Variants in ESR2 observed in about 807,000 individuals in gnomAD.
ESR2 encodes estrogen receptor 2, also known as estrogen receptor beta.
ESR2 carries 36 observed loss-of-function variants against 49.6 expected under a neutral mutation model. The ratio of observed to expected loss-of-function variants is 0.73; its 90% confidence interval spans 0.56 to 0.96. The LOEUF (loss-of-function observed/expected upper bound fraction) is 0.96. ESR2 is among the 40% of genes least tolerant of loss of function. The probability of loss-of-function intolerance (pLI) is 0.00; values close to 1 mark genes in which losing one functional copy is unlikely to be tolerated. For synonymous variants in ESR2, 320 were observed against 266.1 expected (o/e 1.20, Z -1.97); for missense variants, 714 against 693.0 (o/e 1.03, Z -0.34).
At position 64,231,048 on chromosome 14, in the gene ESR2, G is replaced by A. The variant is rs1309812500; in HGVS notation, c.*2089C>T. 2 of 151,610 alleles carry A rather than the reference G, an allele frequency of 1.3e-5. No homozygotes were observed. The highest frequency in any genetic ancestry group is 4.8e-5 in the African/African-American group (2 of 41,278). The allele number at this position is 151,610 out of a possible 1,614,324, so 9.4% of individuals were successfully genotyped here. On this transcript the variant is annotated 3_prime_UTR_variant, in exon 9 of 9. Transcript: ENST00000341099. ...ACTACAGGCCTGCACCACCACGCCT[G>A]GCTAATTTTTGTATCTTTTGTAGGA...
chr14:64,260,686 G>GACT lies in ESR2; in HGVS notation c.714_715insAGT (p.Gln238_Leu239insSer). 1 of 1,554,622 alleles carries GACT rather than the reference G, an allele frequency of 6.4e-7. No homozygotes were observed. Among genetic ancestry groups the GACT allele is most frequent in the Admixed American group, 1.9e-5 (1 of 52,446 alleles). On this transcript the variant is annotated inframe_insertion, in exon 5 of 9. Coordinates refer to ENST00000341099, the MANE Select transcript of ESR2 (RefSeq NM_001437.3). ...CTCTTGGCCTTGCCGGCACAGTGCA[G>GACT]CTGCTCGTCGGCACTTCTCTGTCTC...
At position 64,234,973 on chromosome 14, in the gene ESR2, G is replaced by A. The variant is rs764031807; in HGVS notation, c.1403C>T (p.Ala468Val). ...AGCAGCTCCTTAGGGCGCGTACCTCGCATGCCTGACGTGGGACAGGAGCAT... is the reference window on the plus strand; with the variant it reads ...AGCAGCTCCTTAGGGCGCGTACCTCACATGCCTGACGTGGGACAGGAGCAT... Reference protein sequence around the residue: ...LLMLLSHVRHASNKGMEHLLN... With the variant: ...LLMLLSHVRHVSNKGMEHLLN... The change falls in exon 8 of 9, where the codon GCG (alanine) becomes GTG (valine). Residue 468 changes from alanine to valine, a missense_variant. Coordinates refer to ENST00000341099, the MANE Select transcript of ESR2 (RefSeq NM_001437.3). 72 of 1,613,978 alleles carry A rather than the reference G, an allele frequency of 4.5e-5. 1 individual carries two copies. The South Asian group carries it at 5.1e-4, about 11-fold the overall frequency.
intron 3 of ESR2, among the ~76,000 whole-genome samples, chr14:64,278,411 T>C (rs1012435326): frequency 6.6e-6 from 1 of 152,168 alleles, no homozygotes; most frequent in African/African-American, 2.4e-5. Context: ...CCTCACCATA[T>C]CCTGGATTCT....
At position 64,230,724 on chromosome 14, in the gene ESR2, G is replaced by C. The variant is rs997435916; in HGVS notation, c.*2413C>G. Among the ~76,000 whole-genome samples, 1 of 151,788 alleles carries C rather than the reference G, an allele frequency of 6.6e-6. No homozygotes were observed. The highest frequency in any genetic ancestry group is 1.9e-4 in the East Asian group (1 of 5,190). ...TGCTGTGAGAACAGAGCGAGATTCG[G>C]TGAGAATAGCTCAGCTGGAAACTCA... is the stretch of plus-strand genomic sequence containing the variant. On this transcript the variant is annotated 3_prime_UTR_variant, in exon 9 of 9. Coordinates refer to ENST00000341099, the MANE Select transcript of ESR2 (RefSeq NM_001437.3).
At chr14:64,319,786 G>A (rs745583511) in intron 1 of ESR2, among the ~76,000 whole-genome samples, 6 of 152,202 alleles carry the variant, frequency 3.9e-5, no homozygotes, top group Non-Finnish European at 7.3e-5. Context: ...CCAAATGCTG[G>A]TGAGGATGTG....
At chr14:64,253,244 G>A (rs767639410) in intron 6 of ESR2, among the ~76,000 whole-genome samples, 4 of 151,826 alleles carry the variant, frequency 2.6e-5, no homozygotes, top group African/African-American at 4.8e-5. Flanking sequence ...CAGCTGGAGT[G>A]CAATGACGTG....
chr14:64,285,808 C>CTG, intron 1 of ESR2, among the ~76,000 whole-genome samples: 1 of 119,824 alleles, frequency 8.3e-6, no homozygotes. Flanking sequence ...GCCCAGGTGA[C>CTG]AGAGTGAGAC....
chr14:64,332,489 C>T (rs1447563587), intron 1 of ESR2, among the ~76,000 whole-genome samples: 1 of 152,196 alleles, frequency 6.6e-6, no homozygotes, highest in East Asian at 1.9e-4. Context: ...TAATGACCAT[C>T]TTTTCTCCTG....
intron 2 of ESR2, 113 bp from the exon 3 acceptor site, chr14:64,280,266 G>C: frequency 1.3e-6 from 1 of 776,142 alleles, no homozygotes; most frequent in Non-Finnish European, 2.1e-6. Flanking sequence ...TTCCTCCAGG[G>C]TTCCTGGTAA....
At chr14:64,336,553 C>G in intron 1 of ESR2, 1 of 152,202 alleles carries the variant, frequency 6.6e-6, no homozygotes, top group African/African-American at 2.4e-5. Flanking sequence ...TCATAACACA[C>G]TGGACTCTTC....
At chr14:64,277,316 G>A (rs920407609) in intron 3 of ESR2, among the ~76,000 whole-genome samples, 3 of 152,072 alleles carry the variant, frequency 2.0e-5, no homozygotes, top group African/African-American at 7.2e-5. Context: ...AGCAAGACAA[G>A]TTTAAAATTA....
chr14:64,233,897 G>C (rs1284198581), intron 8 of ESR2: 1 of 152,594 alleles, frequency 6.6e-6, no homozygotes, highest in African/African-American at 2.4e-5. Flanking sequence ...CACCAGGGGG[G>C]CATTTTAAAC....
intron 1 of ESR2, among the ~76,000 whole-genome samples, chr14:64,327,996 C>A (rs1396181114): frequency 6.9e-6 from 1 of 145,418 alleles, no homozygotes; most frequent in African/African-American, 2.6e-5. Flanking sequence ...CTCCTGAGAT[C>A]AGGAGTTTGA....
At chr14:64,295,911 G>A (rs1038333332), upstream of ESR2, among the ~76,000 whole-genome samples, 3 of 152,084 alleles carry the variant, frequency 2.0e-5, no homozygotes, top group Non-Finnish European at 4.4e-5. Flanking sequence ...GGACGTGGTG[G>A]CACATGCCAG....
intron 4 of ESR2, 117 bp from the exon 5 acceptor site, chr14:64,260,865 T>C: frequency 1.1e-6 from 1 of 947,494 alleles, no homozygotes; most frequent in Non-Finnish European, 1.4e-6. Context: ...ACTATGGTCG[T>C]GACCGTACTA....
chr14:64,260,789 AC>A (rs757345270), intron 4 of ESR2, 41 bp from the exon 5 acceptor site: 1 of 1,421,440 alleles, frequency 7.0e-7, no homozygotes, highest in South Asian at 1.7e-5. Context: ...CCAGGGTAAA[AC>A]CGCAGTCAAG....
intron 5 of ESR2, among the ~76,000 whole-genome samples, chr14:64,258,476 T>A (rs2140717549): frequency 6.6e-6 from 1 of 152,334 alleles, no homozygotes; most frequent in Admixed American, 6.5e-5. Context: ...AGCCTCTTTC[T>A]AGCTGTTCAC....
chr14:64,251,556 T>C (rs2075990877), intron 6 of ESR2, among the ~76,000 whole-genome samples: 2 of 152,186 alleles, frequency 1.3e-5, no homozygotes, highest in South Asian at 4.1e-4. Flanking sequence ...TTAAAATATA[T>C]GCCATTTTCA....
chr14:64,252,731 TG>T (rs2076013478), intron 6 of ESR2, among the ~76,000 whole-genome samples: 1 of 152,290 alleles, frequency 6.6e-6, no homozygotes, highest in East Asian at 1.9e-4. Flanking sequence ...GAGAACAGCA[TG>T]GGGGAAACCA....
Sources: gnomAD v4.1 joint callset for allele counts (sites outside exome capture counted in the v4.1 genomes callset) on GRCh38, gnomAD v4.1.1 for gene constraint, MANE v1.5 for transcripts, NCBI Gene and HGNC (gene_info 2026-07-23, HGNC 2026-07-21) for gene names.